The following NRXN1 variants were observed in gnomAD, a reference collection of about 807,000 sequenced individuals.
The protein encoded by NRXN1 is neurexin 1, also known as neurexin-1.
Under a neutral mutation model 150.9 loss-of-function variants are expected in NRXN1, and 39 were observed. The ratio of observed to expected loss-of-function variants is 0.26; its 90% CI spans 0.20 to 0.34. The LOEUF is 0.34. Among genes scored for constraint, NRXN1 ranks in the 10% least tolerant of loss-of-function variants. The pLI is 1.00. For missense variants in NRXN1, 1,815 were observed against 1,949.9 expected (o/e 0.93, Z 1.30); for synonymous variants, 924 against 757.0 (o/e 1.22, Z -3.62).
intron 17 of NRXN1, among the ~76,000 whole-genome samples, chr2:50,264,323 C>T (rs974345871): frequency 6.6e-6 from 1 of 152,060 alleles, no homozygotes; most frequent in Non-Finnish European, 1.5e-5. Context: ...GTAGAACAGT[C>T]GCTAGGTCTC....
At chr2:50,801,035 T>C (rs1349964664) in intron 5 of NRXN1, among the ~76,000 whole-genome samples, 1 of 152,212 alleles carries the variant, frequency 6.6e-6, no homozygotes, top group Non-Finnish European at 1.5e-5. Flanking sequence ...TAAACTAATT[T>C]AATTGCATAA....
At chr2:50,192,397 C>T (rs1242287524) in intron 18 of NRXN1, among the ~76,000 whole-genome samples, 1 of 151,986 alleles carries the variant, frequency 6.6e-6, no homozygotes, top group African/African-American at 2.4e-5. Flanking sequence ...TTGGATTAAA[C>T]AAATTAGTGA....
At chr2:50,873,060 C>T (rs187144261) in intron 5 of NRXN1, among the ~76,000 whole-genome samples, 164 of 151,930 alleles carry the variant, frequency 1.1e-3, no homozygotes, top group African/African-American at 3.9e-3. Context: ...AGATCACAGA[C>T]ACTGGAACCA....
intron 17 of NRXN1, among the ~76,000 whole-genome samples, chr2:50,363,403 C>CA (rs1423189548): frequency 6.6e-6 from 1 of 152,038 alleles, no homozygotes; most frequent in Admixed American, 6.6e-5. Flanking sequence ...AAGAAAAAAA[C>CA]AAACAACCCC....
chr2:50,385,516 C>T (rs962432698), intron 17 of NRXN1, among the ~76,000 whole-genome samples: 1 of 152,164 alleles, frequency 6.6e-6, no homozygotes, highest in African/African-American at 2.4e-5. Flanking sequence ...ATGTTGGTGG[C>T]ATGTGGCTTA....
intron 17 of NRXN1, among the ~76,000 whole-genome samples, chr2:50,294,676 C>T (rs2073353587): frequency 6.6e-6 from 1 of 152,078 alleles, no homozygotes; most frequent in South Asian, 2.1e-4. Context: ...GGTATTTGAT[C>T]CAACCCTGAA....
intron 2 of NRXN1, among the ~76,000 whole-genome samples, chr2:50,950,703 G>C (rs777305188): frequency 2.0e-5 from 3 of 152,078 alleles, no homozygotes; most frequent in Non-Finnish European, 4.4e-5. Context: ...ACATTATTTC[G>C]GTAACAACAT....
intron 17 of NRXN1, among the ~76,000 whole-genome samples, chr2:50,239,708 A>C (rs1232119739): frequency 4.3e-5 from 4 of 93,822 alleles, no homozygotes; most frequent in Non-Finnish European, 8.7e-5. Flanking sequence ...ATATATATAT[A>C]TATATATTTA....
chr2:50,632,489 A>T (rs1208685853), intron 5 of NRXN1: 1 of 152,048 alleles, frequency 6.6e-6, no homozygotes, highest in Non-Finnish European at 1.5e-5. Context: ...GGACAGTATC[A>T]TCAGCATTAC....
intron 18 of NRXN1, among the ~76,000 whole-genome samples, chr2:50,160,079 T>C (rs2059268543): frequency 2.0e-5 from 3 of 152,078 alleles, no homozygotes; most frequent in Non-Finnish European, 4.4e-5. Flanking sequence ...ATAAATAACC[T>C]GTGATTTAGC....
intron 5 of NRXN1, among the ~76,000 whole-genome samples, chr2:50,666,879 A>ATGTGTGTGTG: frequency 9.3e-6 from 1 of 107,818 alleles, no homozygotes; most frequent in Non-Finnish European, 1.9e-5. Context: ...GATGATGATG[A>ATGTGTGTGTG]TGTGTGTGTG....
intron 18 of NRXN1, among the ~76,000 whole-genome samples, chr2:50,151,348 GACAGTT>G (rs1194840974): frequency 2.6e-5 from 4 of 151,414 alleles, no homozygotes; most frequent in African/African-American, 9.7e-5. Context: ...CACTGTCAAA[GACAGTT>G]ACATTTCAGA....
intron 2 of NRXN1, among the ~76,000 whole-genome samples, chr2:50,941,089 T>C (rs373271779): frequency 6.6e-6 from 1 of 152,082 alleles, no homozygotes; most frequent in Non-Finnish European, 1.5e-5. Context: ...TGGATAAGTG[T>C]ATGGCTCTTC....
intron 9 of NRXN1, among the ~76,000 whole-genome samples, chr2:50,550,469 T>C (rs1667275032): frequency 6.6e-6 from 1 of 152,008 alleles, no homozygotes; most frequent in African/African-American, 2.4e-5. Context: ...TAAGTCAAAT[T>C]ATAACATCCA....
intron 5 of NRXN1, among the ~76,000 whole-genome samples, chr2:50,886,079 C>T (rs1215628126): frequency 6.6e-6 from 1 of 151,276 alleles, no homozygotes; most frequent in Non-Finnish European, 1.5e-5. Flanking sequence ...ATTGTATAGA[C>T]TAGTGAATCC....
intron 18 of NRXN1, among the ~76,000 whole-genome samples, chr2:50,201,318 A>G (rs1048521033): frequency 9.9e-5 from 15 of 152,162 alleles, no homozygotes; most frequent in African/African-American, 3.4e-4. Context: ...CTAAGACCTT[A>G]CCTCAAAATC....
chr2:50,562,329 CGATAGATA>C lies in NRXN1; in HGVS notation c.1321-9312_1321-9305del, dbSNP rs70948719. Among the ~76,000 whole-genome samples, 695 of 150,008 alleles carry C rather than the reference CGATAGATA, an allele frequency of 4.6e-3. 1 individual carries two copies. Among genetic ancestry groups the C allele is most frequent in the African/African-American group, 0.015 (625 of 40,744 alleles). On this transcript the variant is annotated intron_variant, in intron 8 of 22. Transcript: ENST00000401669. ...ATTAGACAAATATATGATAGATATA[CGATAGATA>C]GATAGATAGATAGATAGATAGATAG...
At chr2:50,988,758 C>T (rs1030189467) in intron 2 of NRXN1, among the ~76,000 whole-genome samples, 2 of 151,902 alleles carry the variant, frequency 1.3e-5, no homozygotes, top group African/African-American at 4.8e-5. Context: ...AGCTGCTGTA[C>T]CTAAGCTTCA....
chr2:50,903,909 T>C (rs1311637974), intron 5 of NRXN1, among the ~76,000 whole-genome samples: 1 of 152,176 alleles, frequency 6.6e-6, no homozygotes, highest in Non-Finnish European at 1.5e-5. Flanking sequence ...AGCCCTGAGA[T>C]TAATAACCTC....
Sources: gnomAD v4.1 joint callset for allele counts (sites outside exome capture counted in the v4.1 genomes callset) on GRCh38, gnomAD v4.1.1 for gene constraint, MANE v1.5 for transcripts, NCBI Gene and HGNC (gene_info 2026-07-23, HGNC 2026-07-21) for gene names.